Variants in MET observed in about 807,000 individuals in gnomAD.
The protein encoded by MET is hepatocyte growth factor receptor.
MET carries 48 observed loss-of-function variants against 133.1 expected under a neutral mutation model. The ratio of observed to expected loss-of-function variants is 0.36; its 90% CI spans 0.29 to 0.46. The LOEUF (loss-of-function observed/expected upper bound fraction) is 0.46, where lower values mean the gene tolerates loss of function less well. Among genes scored for constraint, MET ranks in the 20% least tolerant of loss-of-function variants. MET has a pLI of 1.00. For synonymous variants in MET, 628 were observed against 616.5 expected (o/e 1.02, Z -0.28); for missense variants, 1,442 against 1,695.9 (o/e 0.85, Z 2.63).
chr7:116,764,884 G>T (rs1341442063), intron 11 of MET, among the ~76,000 whole-genome samples: 1 of 152,112 alleles, frequency 6.6e-6, no homozygotes, highest in Admixed American at 6.6e-5. Flanking sequence ...TTAGTATCAT[G>T]GTTCAATATT....
intron 2 of MET, chr7:116,724,657 GT>G (rs1212972544): frequency 1.3e-5 from 6 of 461,240 alleles, no homozygotes; most frequent in Non-Finnish European, 2.1e-5. Flanking sequence ...ACTGATAACA[GT>G]TTTTTTTACT....
chr7:116,784,118 G>A (rs751570611), intron 19 of MET, among the ~76,000 whole-genome samples: 3 of 152,170 alleles, frequency 2.0e-5, no homozygotes, highest in Non-Finnish European at 4.4e-5. Flanking sequence ...TGGAAATACC[G>A]ATCCAGGTGT....
At chr7:116,709,300 C>T (rs917224861) in intron 2 of MET, among the ~76,000 whole-genome samples, 5 of 152,132 alleles carry the variant, frequency 3.3e-5, no homozygotes, top group African/African-American at 1.2e-4. Context: ...CTTTGTCATG[C>T]TTCTTTGTAC....
At chr7:116,779,676 G>A (rs1318622991) in intron 17 of MET, among the ~76,000 whole-genome samples, 2 of 151,962 alleles carry the variant, frequency 1.3e-5, no homozygotes, top group Non-Finnish European at 2.9e-5. Flanking sequence ...GAACTGAAAT[G>A]TGCTGTACGG....
At chr7:116,782,139 C>A (rs376183825) in intron 18 of MET, 42 bp downstream of exon 18, 2 of 1,349,118 alleles carry the variant, frequency 1.5e-6, no homozygotes, top group Non-Finnish European at 2.1e-6. Flanking sequence ...AATTAAGTGA[C>A]AAGGAGGAAT....
intron 1 of MET, among the ~76,000 whole-genome samples, chr7:116,687,640 A>AAATT (rs1796609154): frequency 1.3e-5 from 2 of 152,232 alleles, no homozygotes; most frequent in Non-Finnish European, 2.9e-5. Context: ...AAAATGTCAT[A>AAATT]TACTGACAAT....
At chr7:116,719,459 A>G (rs1329464737) in intron 2 of MET, among the ~76,000 whole-genome samples, 2 of 152,140 alleles carry the variant, frequency 1.3e-5, no homozygotes, top group Non-Finnish European at 2.9e-5. Context: ...CTCTGATGAT[A>G]GTTTCTTTTG....
At chr7:116,727,842 C>G (rs1184164857) in intron 2 of MET, among the ~76,000 whole-genome samples, 2 of 152,198 alleles carry the variant, frequency 1.3e-5, no homozygotes, top group Non-Finnish European at 2.9e-5. Flanking sequence ...TGCTGATTAT[C>G]TTTGAGGGAC....
chr7:116,767,540 A>T (rs1359407422), intron 11 of MET, among the ~76,000 whole-genome samples: 1 of 152,166 alleles, frequency 6.6e-6, no homozygotes, highest in Non-Finnish European at 1.5e-5. Context: ...TATGTAAAGC[A>T]GAAATGACAA....
At chr7:116,677,640 A>G (rs1213306008) in intron 1 of MET, among the ~76,000 whole-genome samples, 1 of 152,256 alleles carries the variant, frequency 6.6e-6, no homozygotes, top group African/African-American at 2.4e-5. Flanking sequence ...GATGGTCCCA[A>G]TTGCAGCAGC....
chr7:116,732,014 C>G, intron 3 of MET, 155 bp downstream of exon 3: 1 of 737,916 alleles, frequency 1.4e-6, no homozygotes, highest in Non-Finnish European at 2.3e-6. Flanking sequence ...GAAGCCTGGT[C>G]TACTTTCTGT....
chr7:116,773,789 A>T (rs139045186), intron 14 of MET, among the ~76,000 whole-genome samples: 182 of 152,292 alleles, frequency 1.2e-3, no homozygotes, highest in Non-Finnish European at 1.7e-3. Flanking sequence ...GGCCAAGTTC[A>T]TTTATTATTA....
chr7:116,700,314 C>T, intron 2 of MET, 30 bp downstream of exon 2: 6 of 1,590,398 alleles, frequency 3.8e-6, no homozygotes, highest in Non-Finnish European at 5.1e-6. Context: ...CACTTATAAA[C>T]TGTGAGGTAT....
intron 5 of MET, among the ~76,000 whole-genome samples, chr7:116,748,943 T>A (rs949107252): frequency 2.6e-5 from 4 of 152,180 alleles, no homozygotes; most frequent in Non-Finnish European, 5.9e-5. Context: ...TAACAAGTTC[T>A]GCAATTGAGA....
intron 19 of MET, among the ~76,000 whole-genome samples, chr7:116,791,169 T>C (rs1795480101): frequency 6.6e-6 from 1 of 152,186 alleles, no homozygotes; most frequent in African/African-American, 2.4e-5. Flanking sequence ...TGCTTGAAGG[T>C]TTTTCTGTGA....
At chr7:116,692,317 AAATT>A (rs1455728819) in intron 1 of MET, among the ~76,000 whole-genome samples, 4 of 152,200 alleles carry the variant, frequency 2.6e-5, no homozygotes, top group African/African-American at 9.6e-5. Context: ...ACAGCTAAGA[AAATT>A]AATCCCTAAA....
intron 11 of MET, among the ~76,000 whole-genome samples, chr7:116,767,617 T>G (rs1794673569): frequency 6.6e-6 from 1 of 152,136 alleles, no homozygotes; most frequent in Admixed American, 6.5e-5. Context: ...AATTGCTCTA[T>G]GTCTGTTGGA....
chr7:116,774,609 C>A (rs549958646), intron 14 of MET, among the ~76,000 whole-genome samples: 1 of 152,134 alleles, frequency 6.6e-6, no homozygotes, highest in South Asian at 2.1e-4. Context: ...ATAGTATATT[C>A]AAAAATAAAC....
chr7:116,738,794 A>C (rs1048289634), intron 3 of MET, among the ~76,000 whole-genome samples: 3 of 152,172 alleles, frequency 2.0e-5, no homozygotes, highest in African/African-American at 7.2e-5. Context: ...CAGAACATTT[A>C]TATGTTGTAT....
Sources: gnomAD v4.1 joint callset for allele counts (sites outside exome capture counted in the v4.1 genomes callset) on GRCh38, gnomAD v4.1.1 for gene constraint, MANE v1.5 for transcripts, NCBI Gene and HGNC (gene_info 2026-07-23, HGNC 2026-07-21) for gene names.